Variants in TRAK2 observed in about 807,000 individuals in gnomAD.
TRAK2 encodes trafficking kinesin-binding protein 2.
A neutral mutation model predicts 104.6 loss-of-function variants in TRAK2; 81 were observed. The observed-to-expected ratio is 0.77, with a 90% CI of 0.65 to 0.93. TRAK2 has a LOEUF of 0.93. Ranked by LOEUF, TRAK2 falls within the 40% of genes least tolerant of loss-of-function variation. The pLI is 0.00. For synonymous variants in TRAK2, 406 were observed against 394.4 expected (o/e 1.03, Z -0.35); for missense variants, 1,002 against 1,089.0 (o/e 0.92, Z 1.12).
intron 3 of TRAK2, among the ~76,000 whole-genome samples, chr2:201,404,602 G>C (rs1266377505): frequency 6.6e-6 from 1 of 152,172 alleles, no homozygotes. Flanking sequence ...TTCAGGATGG[G>C]AAACACCAAT....
rs1327928551 is a variant in TRAK2, at chr2:201,389,352, T to C, written c.1345A>G (p.Thr449Ala). ...TGGTTCAGGAGTGATTTGTCCTCTGTTTGCTGAAGACCAGACTCAAAAGGT... is the reference window on the plus strand; with the variant it reads ...TGGTTCAGGAGTGATTTGTCCTCTGCTTGCTGAAGACCAGACTCAAAAGGT... ...AKPFESGLQQ[T>A]EDKSLLNQGS... The change falls in exon 12 of 16, where the codon ACA becomes GCA. Residue 449 changes from threonine (T) to alanine (A), a missense_variant. Physicochemically the swap from Thr to Ala is moderately conservative, Grantham distance 58. Coordinates refer to ENST00000332624, the MANE Select transcript of TRAK2 (RefSeq NM_015049.3). 3.1e-6 allele frequency: 5 copies of C among 1,614,112 alleles called. No homozygotes were observed. The South Asian group carries it at 3.3e-5, about 11-fold the overall frequency.
intron 2 of TRAK2, chr2:201,412,421 C>T (rs1339828730): frequency 2.7e-5 from 35 of 1,289,928 alleles, no homozygotes; most frequent in Non-Finnish European, 3.7e-5. Flanking sequence ...CGAACTTCCT[C>T]AGGTATATTT....
intron 1 of TRAK2, among the ~76,000 whole-genome samples, chr2:201,432,477 C>T (rs1022811340): frequency 6.6e-6 from 1 of 152,122 alleles, no homozygotes; most frequent in African/African-American, 2.4e-5. Context: ...AAGAAGCCAG[C>T]CTTTGTAATC....
intron 2 of TRAK2, 74 bp downstream of exon 2, chr2:201,420,343 T>C (rs1361293790): frequency 7.2e-6 from 9 of 1,247,296 alleles, no homozygotes; most frequent in Non-Finnish European, 1.1e-5. Flanking sequence ...TGATAGGTCA[T>C]ATATGCTGGA....
intron 2 of TRAK2, among the ~76,000 whole-genome samples, chr2:201,410,225 C>T (rs569468741): frequency 2.0e-5 from 3 of 152,214 alleles, no homozygotes; most frequent in East Asian, 3.9e-4. Context: ...TGGCGTGAAC[C>T]CGCCACTGAG....
rs192605626 is a variant in TRAK2 at position 201,410,113 on chromosome 2, C to A, written c.92-2516G>T. 3.7e-3 allele frequency among the ~76,000 whole-genome samples: 567 copies of A among 152,198 alleles called. 5 individuals are homozygous for A. The highest frequency in any genetic ancestry group is 5.9e-3 in the Non-Finnish European group (404 of 67,996). On this transcript the variant is annotated intron_variant, in intron 2 of 15. Coordinates refer to ENST00000332624, the MANE Select transcript of TRAK2 (RefSeq NM_015049.3). ...GAGAGCGAGACCATCCTGGCTAACA[C>A]GGTGAAACCCTGTCTCTACGAGAAA...
chr2:201,411,919 A>G, intron 2 of TRAK2: 1 of 1,042,860 alleles, frequency 9.6e-7, no homozygotes, highest in Non-Finnish European at 1.5e-6. Context: ...TGATGTTTAG[A>G]CAGAGCTCCT....
chr2:201,421,883 T>C (rs987632324), intron 1 of TRAK2, among the ~76,000 whole-genome samples: 1 of 151,844 alleles, frequency 6.6e-6, no homozygotes, highest in African/African-American at 2.4e-5. Flanking sequence ...ACCCTGTCTC[T>C]ACTACAGATA....
rs1951337469 is a variant in TRAK2 at position 201,380,958 on chromosome 2, G to A, written c.2330C>T (p.Pro777Leu). 6.8e-6 allele frequency: 11 copies of A among 1,614,026 alleles called. No homozygotes were observed. Among genetic ancestry groups the A allele is most frequent in the Non-Finnish European group, 7.6e-6 (9 of 1,180,012 alleles). ...AGGTGAGTGAGATGGTGAATTTGGT[G>A]GTGTGGAAGGGATAGCCAGGGATTT... ...LPKSLAIPST[P>L]PNSPSHSPCP... Residue 777 changes from proline to leucine, a missense_variant, in exon 16 of 16, where the codon CCA becomes CTA. Transcript: ENST00000332624.
At chr2:201,413,797 T>C (rs1576522846) in intron 2 of TRAK2, among the ~76,000 whole-genome samples, 1 of 152,160 alleles carries the variant, frequency 6.6e-6, no homozygotes, top group African/African-American at 2.4e-5. Context: ...GGCTGACAAC[T>C]TGTCCTAGAA....
chr2:201,397,601 T>A (rs1207789452), intron 6 of TRAK2, 21 bp from the exon 7 acceptor site: 3 of 1,505,574 alleles, frequency 2.0e-6, no homozygotes, highest in East Asian at 2.3e-5. Context: ...AAAATCAGTA[T>A]GTGACAATAC....
Position 201,395,323 on chromosome 2 carries a change from T to A in TRAK2, c.891A>T (p.Lys297Asn). The change falls in exon 8 of 16, where the codon AAA becomes AAT. Residue 297 changes from lysine to asparagine, a missense_variant. Coordinates refer to ENST00000332624, the MANE Select transcript of TRAK2 (RefSeq NM_015049.3). The part of the protein sequence containing the change: ...LLSQIVDLQH[K>N]LKEHVIEKEE... ...GAATGAATAAACCTACTTCTTTAAG[T>A]TTGTGCTGAAGGTCTACAATCTGTG... 6.2e-7 allele frequency: 1 copy of A among 1,604,650 alleles called. No individual in the cohort carries two copies. The highest frequency in any genetic ancestry group is 8.5e-7 in the Non-Finnish European group (1 of 1,173,166).
At chr2:201,432,183 C>A (rs1576534819) in intron 1 of TRAK2, among the ~76,000 whole-genome samples, 1 of 152,162 alleles carries the variant, frequency 6.6e-6, no homozygotes, top group East Asian at 1.9e-4. Context: ...TACTTCCTGC[C>A]TTCTGATGAG....
chr2:201,410,063 C>G (rs983788869), intron 2 of TRAK2, among the ~76,000 whole-genome samples: 7 of 152,148 alleles, frequency 4.6e-5, no homozygotes, highest in African/African-American at 1.4e-4. Context: ...TCTGGGAGGC[C>G]GAGGCGGGTG....
At chr2:201,444,637 G>A (rs1045768278) in intron 1 of TRAK2, among the ~76,000 whole-genome samples, 7 of 149,140 alleles carry the variant, frequency 4.7e-5, no homozygotes, top group Non-Finnish European at 1.0e-4. Context: ...CACATAAATT[G>A]TAATAATATA....
intron 2 of TRAK2, chr2:201,411,211 T>C: frequency 1.4e-6 from 1 of 718,688 alleles, no homozygotes; most frequent in East Asian, 2.4e-5. Flanking sequence ...GCAATAGGTG[T>C]GTACACTTGG....
chr2:201,381,011 A>T lies in TRAK2; in HGVS notation c.2277T>A (p.Ile759=), dbSNP rs1576501666. 6.2e-7 allele frequency: 1 copy of T among 1,614,084 alleles called. No homozygotes were observed. The highest frequency in any genetic ancestry group is 2.2e-5 in the East Asian group (1 of 44,862). The change falls in exon 16 of 16, where the codon ATT becomes ATA. Residue 759 remains isoleucine (I), a synonymous_variant. Coordinates refer to ENST00000332624, the MANE Select transcript of TRAK2 (RefSeq NM_015049.3). The part of the protein sequence containing the change: ...GISAKVYHSP[I]SENPLQPLPK... ...GGAGAGGCTGGAGGGGGTTCTCTGA[A>T]ATTGGGCTGTGGTACACTTTGGCAG...
chr2:201,388,613 A>G (rs1381515910), intron 12 of TRAK2, among the ~76,000 whole-genome samples: 2 of 152,230 alleles, frequency 1.3e-5, no homozygotes, highest in Non-Finnish European at 2.9e-5. Flanking sequence ...ACTGGAAGCT[A>G]TCTTATAATT....
intron 1 of TRAK2, among the ~76,000 whole-genome samples, chr2:201,423,037 C>CCACACACCCACA (rs1951756165): frequency 7.5e-6 from 1 of 134,150 alleles, no homozygotes; most frequent in South Asian, 2.6e-4. Context: ...AACACCACCA[C>CCACACACCCACA]CACACACACA....
Sources: gnomAD v4.1 joint callset for allele counts (sites outside exome capture counted in the v4.1 genomes callset) on GRCh38, gnomAD v4.1.1 for gene constraint, MANE v1.5 for transcripts, NCBI Gene and HGNC (gene_info 2026-07-23, HGNC 2026-07-21) for gene names.